Variants in ZMYM4 observed in about 807,000 individuals in gnomAD.
The protein encoded by ZMYM4 is zinc finger MYM-type protein 4.
A neutral mutation model predicts 183.2 loss-of-function variants in ZMYM4; 31 were observed. The ratio of observed to expected loss-of-function variants is 0.17; its 90% confidence interval spans 0.13 to 0.23. The LOEUF is 0.23. Ranked by LOEUF, ZMYM4 falls within the 10% of genes least tolerant of loss-of-function variation. ZMYM4 has a pLI of 1.00. For synonymous variants in ZMYM4, 592 were observed against 631.2 expected (o/e 0.94, Z 0.93); for missense variants, 1,273 against 1,840.3 (o/e 0.69, Z 5.64).
At chr1:35,319,484 C>T (rs930711120) in intron 1 of ZMYM4, among the ~76,000 whole-genome samples, 4 of 151,862 alleles carry the variant, frequency 2.6e-5, no homozygotes, top group Admixed American at 2.6e-4. Context: ...ATTAGCTGGG[C>T]GTGGTTGTGC....
chr1:35,269,353 C>G (rs1303886659), intron 1 of ZMYM4, among the ~76,000 whole-genome samples: 1 of 151,162 alleles, frequency 6.6e-6, no homozygotes, highest in Non-Finnish European at 1.5e-5. Flanking sequence ...GGTGGGATAT[C>G]TAGGCCCAGG....
At chr1:35,369,124 G>A (rs1233561132) in intron 5 of ZMYM4, among the ~76,000 whole-genome samples, 1 of 152,104 alleles carries the variant, frequency 6.6e-6, no homozygotes, top group Non-Finnish European at 1.5e-5. Flanking sequence ...AAAAAAAGGA[G>A]ATATATCTGA....
At chr1:35,352,424 A>ACACACACAGC (rs1643662500) in intron 2 of ZMYM4, among the ~76,000 whole-genome samples, 1 of 150,716 alleles carries the variant, frequency 6.6e-6, no homozygotes, top group East Asian at 1.9e-4. Flanking sequence ...ACACACACAC[A>ACACACACAGC]GCCAAAGTCC....
chr1:35,360,605 A>G (rs1328152335), intron 3 of ZMYM4, among the ~76,000 whole-genome samples: 1 of 152,110 alleles, frequency 6.6e-6, no homozygotes, highest in African/African-American at 2.4e-5. Context: ...CATAATGTCT[A>G]GTAGTAGAAT....
At chr1:35,318,338 G>A (rs923844072) in intron 1 of ZMYM4, among the ~76,000 whole-genome samples, 1 of 152,126 alleles carries the variant, frequency 6.6e-6, no homozygotes, top group Non-Finnish European at 1.5e-5. Context: ...GATTATAGGG[G>A]TGAGCCACTG....
In ZMYM4 at chr1:35,350,843, A is replaced by G. The variant is rs1340913539; in HGVS notation, c.86-8082A>G. ...TGGAAACGCTTAGTGATACAGGATA[A>G]AAATAAATACAAAACACACAAATAC... On this transcript the variant is annotated intron_variant, in intron 2 of 29. Coordinates refer to ENST00000314607, the MANE Select transcript of ZMYM4 (RefSeq NM_005095.3). The G allele has an allele frequency of 1.4e-5, 8 of 558,210 alleles. 1 individual carries two copies. In the African/African-American group the frequency reaches 1.5e-4, roughly 11 times the overall value. The allele number at this position is 558,210 out of a possible 1,614,324, so 34.6% of individuals were successfully genotyped here.
chr1:35,419,763 C>CAAGAGGACTTAGACT lies in ZMYM4; in HGVS notation c.*86_*87insAAGAGGACTTAGACT. 7.4e-7 allele frequency: 1 copy of CAAGAGGACTTAGACT among 1,359,454 alleles called. No homozygotes were observed. Among genetic ancestry groups the CAAGAGGACTTAGACT allele is most frequent in the Non-Finnish European group, 1.0e-6 (1 of 972,472 alleles). The allele number at this position is 1,359,454 out of a possible 1,614,324, so 84.2% of individuals were successfully genotyped here. Reference sequence around the variant, plus strand: ...AGCTGTTGGAAAATGATGTATAAGTCTAAGTCCTCTTGACTTGACCATAAG... The same window carrying CAAGAGGACTTAGACT: ...AGCTGTTGGAAAATGATGTATAAGTCAAGAGGACTTAGACTTAAGTCCTCTTGACTTGACCATAAG... On this transcript the variant is annotated 3_prime_UTR_variant, in exon 30 of 30. Coordinates refer to ENST00000314607, the MANE Select transcript of ZMYM4 (RefSeq NM_005095.3).
chr1:35,392,175 C>T (rs906332799), intron 15 of ZMYM4, 37 bp from the exon 16 acceptor site: 1 of 1,613,286 alleles, frequency 6.2e-7, no homozygotes, highest in Non-Finnish European at 8.5e-7. Context: ...ACATATAAAT[C>T]ACGTGAGGTT....
chr1:35,361,347 G>A (rs1257710085), intron 4 of ZMYM4, 92 bp downstream of exon 4: 2 of 1,269,942 alleles, frequency 1.6e-6, no homozygotes, highest in African/African-American at 1.5e-5. Context: ...AATGTATTAG[G>A]TAGAGCACTG....
chr1:35,322,650 G>A (rs183685455), intron 1 of ZMYM4, among the ~76,000 whole-genome samples: 79 of 152,274 alleles, frequency 5.2e-4, no homozygotes, highest in African/African-American at 1.8e-3. Flanking sequence ...GGGTTCAAGA[G>A]ACAGGTGTCG....
intron 1 of ZMYM4, among the ~76,000 whole-genome samples, chr1:35,272,687 G>A (rs116830856): frequency 0.013 from 1,934 of 152,158 alleles, 43 homozygotes; most frequent in African/African-American, 0.044. Context: ...CTGGATTATG[G>A]TTAGATGGGC....
chr1:35,294,181 A>T (rs918456960), intron 1 of ZMYM4, among the ~76,000 whole-genome samples: 1 of 151,710 alleles, frequency 6.6e-6, no homozygotes, highest in African/African-American at 2.4e-5. Context: ...TTATTCTTTC[A>T]TTCAGTCTTT....
intron 1 of ZMYM4, among the ~76,000 whole-genome samples, chr1:35,283,679 G>T (rs1640313523): frequency 1.3e-5 from 2 of 151,998 alleles, no homozygotes; most frequent in South Asian, 4.1e-4. Flanking sequence ...AATTTTTCCA[G>T]TGACTAATGA....
chr1:35,268,999 C>G lies in ZMYM4; in HGVS notation c.-48C>G. 6.6e-7 allele frequency: 1 copy of G among 1,516,376 alleles called. No homozygotes were observed. 93.9% of individuals were successfully genotyped at this position (1,516,376 alleles called of 1,614,324 possible). A position where few individuals can be genotyped will look rare whatever the true frequency, so the allele number is the denominator to read the frequency against. ...GCGGGGGCCGGGGGGCCGAGAGGTA[C>G]CGCCGCCACCGCGCGGGGAGCCGCA... On this transcript the variant is annotated 5_prime_UTR_variant, in exon 1 of 30. Coordinates refer to ENST00000314607, the MANE Select transcript of ZMYM4 (RefSeq NM_005095.3).
chr1:35,276,453 CAA>C (rs1415277109), intron 1 of ZMYM4, among the ~76,000 whole-genome samples: 2 of 152,150 alleles, frequency 1.3e-5, no homozygotes, highest in East Asian at 1.9e-4. Context: ...TACGACCTAA[CAA>C]AAGAGTTCCT....
chr1:35,303,889 G>A (rs1186752519), intron 1 of ZMYM4, among the ~76,000 whole-genome samples: 1 of 151,834 alleles, frequency 6.6e-6, no homozygotes, highest in African/African-American at 2.4e-5. Context: ...ATAACTTATG[G>A]TTTAAAGCTA....
intron 26 of ZMYM4, among the ~76,000 whole-genome samples, chr1:35,410,567 C>T (rs1446886627): frequency 6.6e-6 from 1 of 151,876 alleles, no homozygotes; most frequent in Non-Finnish European, 1.5e-5. Context: ...GGGCTCACTG[C>T]AAGCTGCGCA....
chr1:35,272,127 C>T (rs1409399366), intron 1 of ZMYM4, among the ~76,000 whole-genome samples: 1 of 151,988 alleles, frequency 6.6e-6, no homozygotes, highest in Non-Finnish European at 1.5e-5. Context: ...CATATGTATA[C>T]TCCAAGCCGA....
chr1:35,371,760 TA>T (rs1644219370), intron 7 of ZMYM4, among the ~76,000 whole-genome samples: 1 of 152,198 alleles, frequency 6.6e-6, no homozygotes, highest in African/African-American at 2.4e-5. Flanking sequence ...AAGAGATGTT[TA>T]AAAGAAATTT....
Sources: gnomAD v4.1 joint callset for allele counts (sites outside exome capture counted in the v4.1 genomes callset) on GRCh38, gnomAD v4.1.1 for gene constraint, MANE v1.5 for transcripts, NCBI Gene and HGNC (gene_info 2026-07-23, HGNC 2026-07-21) for gene names.